Variants in IFNG observed in about 807,000 individuals in gnomAD.
IFNG encodes the protein interferon gamma.
Under a neutral mutation model 14.4 loss-of-function variants are expected in IFNG, and 8 were observed. That is an observed-to-expected ratio of 0.56 (90% confidence interval 0.33 to 1.00). The LOEUF (loss-of-function observed/expected upper bound fraction) is 1.00, where lower values mean the gene tolerates loss of function less well. IFNG is among the 50% of genes least tolerant of loss of function. The pLI is 0.03. For missense variants in IFNG, 132 were observed against 194.9 expected (o/e 0.68, Z 1.92); for synonymous variants, 73 against 65.4 (o/e 1.12, Z -0.56).
intron 1 of IFNG, 122 bp from the exon 2 acceptor site, chr12:68,158,381 G>C: frequency 1.5e-6 from 1 of 661,832 alleles, no homozygotes; most frequent in African/African-American, 1.8e-5. Flanking sequence ...CAACTCTTCT[G>C]CTTAGTTCTA....
In IFNG at chr12:68,155,173, G is replaced by A. The variant is rs2069722; in HGVS notation, c.*180C>T. On this transcript the variant is annotated 3_prime_UTR_variant, in exon 4 of 4. Coordinates refer to ENST00000229135, the MANE Select transcript of IFNG (RefSeq NM_000619.3). ...CAAAGGATTAAGTGAGACAGTCACA[G>A]GATATAGGAATTATAAATAATACAT... The A allele has an allele frequency of 7.3e-3, 2,906 of 399,698 alleles. 86 individuals carry two copies. Among genetic ancestry groups the A allele is most frequent in the African/African-American group, 0.054 (2,580 of 47,788 alleles). 24.8% of individuals were successfully genotyped at this position (399,698 alleles called of 1,614,324 possible).
chr12:68,159,209 T>A (rs1268290884), intron 1 of IFNG, among the ~76,000 whole-genome samples: 1 of 152,232 alleles, frequency 6.6e-6, no homozygotes, highest in Non-Finnish European at 1.5e-5. Flanking sequence ...CTATCACAAC[T>A]GAATGAGTTC....
chr12:68,158,714 A>AGTGTGTGTGTGTGT (rs34079299), intron 1 of IFNG, among the ~76,000 whole-genome samples: 2 of 148,804 alleles, frequency 1.3e-5, no homozygotes, highest in East Asian at 4.0e-4. Context: ...AACATGTGCG[A>AGTGTGTGTGTGTGT]GTGTGTGTGT....
intron 1 of IFNG, 110 bp from the exon 2 acceptor site, chr12:68,158,369 TTCAAC>T: frequency 4.2e-6 from 3 of 714,940 alleles, no homozygotes; most frequent in Non-Finnish European, 6.9e-6. Context: ...TGATTTCCTT[TTCAAC>T]TCTTCTGCTT....
chr12:68,155,556 T>A (rs1257243936), intron 3 of IFNG, 69 bp from the exon 4 acceptor site: 1 of 1,391,828 alleles, frequency 7.2e-7, no homozygotes, highest in African/African-American at 1.5e-5. Context: ...GCTAATGTCA[T>A]GATGGTCAGT....
chr12:68,155,131 C>A lies in IFNG; in HGVS notation c.*222G>T. 1 of 313,808 alleles carries A rather than the reference C, an allele frequency of 3.2e-6. No homozygotes were observed. The highest frequency in any genetic ancestry group is 5.7e-6 in the Non-Finnish European group (1 of 175,288). The allele number at this position is 313,808 out of a possible 1,614,324, so 19.4% of individuals were successfully genotyped here. ...AAAGCCTTGTAATCACATAGCCTTG[C>A]CTAATTAGTCAGAAAACAAAGGATT... On this transcript the variant is annotated 3_prime_UTR_variant, in exon 4 of 4. Transcript: ENST00000229135.
chr12:68,156,182 A>T (rs558457813), intron 3 of IFNG, among the ~76,000 whole-genome samples: 43 of 152,340 alleles, frequency 2.8e-4, no homozygotes, highest in African/African-American at 1.0e-3. Flanking sequence ...TTTCTCCCAG[A>T]TTAGGTCAGT....
In IFNG at chr12:68,158,277, A is replaced by G; in HGVS notation, c.115-18T>C. On this transcript the variant is annotated intron_variant, in intron 1 of 3. Coordinates refer to ENST00000229135, the MANE Select transcript of IFNG (RefSeq NM_000619.3). ...CCTGCATTCTAAAAAAAAAAAAAGA[A>G]AAAATTGGTTTACAATTAGCCCATA... 1 of 1,565,982 alleles carries G rather than the reference A, an allele frequency of 6.4e-7. No homozygotes were observed. Among genetic ancestry groups the G allele is most frequent in the Non-Finnish European group, 8.6e-7 (1 of 1,157,508 alleles).
Position 68,158,183 on chromosome 12 carries a change from C to G in IFNG, c.183+8G>C, listed in dbSNP as rs2120746332. ...GGAAAATTAGCCAAATGGGAATATT[C>G]AGCTTACCTCTTTCCAATTCTTCAA... On this transcript the variant is annotated splice_region_variant and intron_variant, in intron 2 of 3. Coordinates refer to ENST00000229135, the MANE Select transcript of IFNG (RefSeq NM_000619.3). 6.2e-7 allele frequency: 1 copy of G among 1,607,326 alleles called. No individual in the cohort carries two copies.
rs1275991164 is a variant in IFNG at position 68,155,302 on chromosome 12, T to C, written c.*51A>G. 2.3e-6 allele frequency: 3 copies of C among 1,312,634 alleles called. No homozygotes were observed. Among genetic ancestry groups the C allele is most frequent in the Non-Finnish European group, 3.1e-6 (3 of 970,712 alleles). The allele number at this position is 1,312,634 out of a possible 1,614,324, so 81.3% of individuals were successfully genotyped here. The stretch of plus-strand genomic sequence containing the variant: ...TTCCCCATATAAATAATGTTAAATA[T>C]TAATAAATAGATTTAGATTTAAAAT... On this transcript the variant is annotated 3_prime_UTR_variant, in exon 4 of 4. Coordinates refer to ENST00000229135, the MANE Select transcript of IFNG (RefSeq NM_000619.3).
rs114954844 is a variant in IFNG at position 68,156,306 on chromosome 12, C to T, written c.367-819G>A. 3.2e-3 allele frequency among the ~76,000 whole-genome samples: 480 copies of T among 152,302 alleles called. 1 individual carries two copies. The highest frequency in any genetic ancestry group is 0.017 in the Middle Eastern group (5 of 294). On this transcript the variant is annotated intron_variant, in intron 3 of 3. Coordinates refer to ENST00000229135, the MANE Select transcript of IFNG (RefSeq NM_000619.3). ...TTGCAACAACTTTTCCAGTACCCTG[C>T]CTTCTAGGCAAGCAAATTGAACTAC...
chr12:68,159,591 C>G lies in IFNG; in HGVS notation c.25G>C (p.Ala9Pro). 6.3e-7 allele frequency: 1 copy of G among 1,599,242 alleles called. No homozygotes were observed. Among genetic ancestry groups the G allele is most frequent in the South Asian group, 1.1e-5 (1 of 89,982 alleles). The change falls in exon 1 of 4, where the codon GCT (alanine) becomes CCT (proline). Residue 9 changes from alanine (A) to proline (P), a missense_variant. Physicochemically the swap from Ala to Pro is conservative, Grantham distance 27. Transcript: ENST00000229135. ...CCCAAAACGATGCAGAGCTGAAAAG[C>G]CAAGATATAACTTGTATATTTCATC... MKYTSYIL[A>P]FQLCIVLGSL...
chr12:68,157,368 G>A (rs532046060), intron 3 of IFNG, among the ~76,000 whole-genome samples: 27 of 152,200 alleles, frequency 1.8e-4, no homozygotes, highest in African/African-American at 6.0e-4. Flanking sequence ...TCTATTCTTT[G>A]CATTGTAGAG....
rs1331461164 is a variant in IFNG at position 68,155,049 on chromosome 12, T to A, written c.*304A>T. ...GTGTTCATTGTATCATCAAGTGAAA[T>A]AAACACACAACCCATGGGATCTTGC... On this transcript the variant is annotated 3_prime_UTR_variant, in exon 4 of 4. Transcript: ENST00000229135. 5.5e-6 allele frequency: 1 copy of A among 181,008 alleles called. No individual in the cohort carries two copies. The highest frequency in any genetic ancestry group is 1.1e-5 in the Non-Finnish European group (1 of 87,364). The allele number at this position is 181,008 out of a possible 1,614,324, so 11.2% of individuals were successfully genotyped here.
rs750753671 is a variant in IFNG, at chr12:68,159,518, T to C, written c.98A>G (p.Asn33Ser). 3.8e-6 allele frequency: 6 copies of C among 1,576,428 alleles called. No individual in the cohort carries two copies. The highest frequency in any genetic ancestry group is 3.4e-5 in the Admixed American group (2 of 58,828). The change falls in exon 1 of 4, where the codon AAC (asparagine) becomes AGC (serine). Residue 33 changes from asparagine to serine, a missense_variant. By Grantham distance (46) the Asn-to-Ser change is conservative (BLOSUM62 1). Transcript: ENST00000229135. ...CATACTTACAAAATATTTCTTAAGG[T>C]TTTCTGCTTCTTTTACATATGGGTC... is the stretch of plus-strand genomic sequence containing the variant. Reference protein sequence around the residue: ...CQDPYVKEAENLKKYFNAGHS... With the variant: ...CQDPYVKEAESLKKYFNAGHS...
At chr12:68,156,125 C>T (rs1882597482) in intron 3 of IFNG, among the ~76,000 whole-genome samples, 1 of 152,158 alleles carries the variant, frequency 6.6e-6, no homozygotes, top group Non-Finnish European at 1.5e-5. Flanking sequence ...AGGTTAGGTA[C>T]CCTAGAAAAC....
chr12:68,157,985 T>C lies in IFNG; in HGVS notation c.294A>G (p.Glu98=). The C allele has an allele frequency of 1.2e-6, 2 of 1,610,512 alleles. No homozygotes were observed. Among genetic ancestry groups the C allele is most frequent in the Non-Finnish European group, 8.5e-7 (1 of 1,177,690 alleles). The change falls in exon 3 of 4, where the codon GAA becomes GAG. Residue 98 remains glutamate, a synonymous_variant. Transcript: ENST00000229135. ...SIQKSVETIK[E]DMNVKFFNSN... ...TATTGAAAAACTTGACATTCATGTC[T>C]TCCTTGATGGTCTCCACACTCTTTT...
intron 3 of IFNG, among the ~76,000 whole-genome samples, 159 bp downstream of exon 3, chr12:68,157,754 T>A (rs1882622357): frequency 1.3e-5 from 2 of 152,188 alleles, no homozygotes; most frequent in African/African-American, 4.8e-5. Flanking sequence ...CTTTGCAAAG[T>A]CACCCAAACA....
At chr12:68,158,501 C>G (rs967561466) in intron 1 of IFNG, among the ~76,000 whole-genome samples, 1 of 152,030 alleles carries the variant, frequency 6.6e-6, no homozygotes, top group African/African-American at 2.4e-5. Context: ...CACAAATGAG[C>G]TCAACAAAGC....
Sources: gnomAD v4.1 joint callset for allele counts (sites outside exome capture counted in the v4.1 genomes callset) on GRCh38, gnomAD v4.1.1 for gene constraint, MANE v1.5 for transcripts, NCBI Gene and HGNC (gene_info 2026-07-23, HGNC 2026-07-21) for gene names.